The following ORC3 variants were observed in gnomAD, a reference collection of about 807,000 sequenced individuals.
The protein encoded by ORC3 is origin recognition complex subunit 3, also known as homolog of latheo, Drosophila.
ORC3 carries 78 observed loss-of-function variants against 100.7 expected under a neutral mutation model. The ratio of observed to expected loss-of-function variants is 0.77; its 90% CI spans 0.65 to 0.94. ORC3 has a LOEUF of 0.94. ORC3 is among the 40% of genes least tolerant of loss of function. The pLI, the probability that ORC3 is intolerant of heterozygous loss-of-function variation, is 0.00. For missense variants in ORC3, 789 were observed against 823.9 expected, an observed-to-expected ratio of 0.96 and a Z score of 0.52; for synonymous variants, 295 against 289.3, an observed-to-expected ratio of 1.02 and a Z score of -0.20.
At chr6:87,607,933 C>T in intron 6 of ORC3, 109 bp downstream of exon 6, 1 of 640,118 alleles carries the variant, frequency 1.6e-6, no homozygotes, top group Non-Finnish European at 2.5e-6. Flanking sequence ...GTTTCTGCAG[C>T]ACTAGGTGTT....
intron 4 of ORC3, 108 bp from the exon 5 acceptor site, chr6:87,605,809 A>T: frequency 1.6e-6 from 1 of 625,142 alleles, no homozygotes; most frequent in East Asian, 2.8e-5. Flanking sequence ...TCTGTTATTA[A>T]TCATTTTTTA....
chr6:87,633,632 C>G (rs1178607425), intron 11 of ORC3, among the ~76,000 whole-genome samples: 1 of 152,064 alleles, frequency 6.6e-6, no homozygotes, highest in Admixed American at 6.5e-5. Context: ...TTATTGATAT[C>G]TGAGTTATTT....
chr6:87,659,813 C>T (rs1646585745), intron 16 of ORC3, among the ~76,000 whole-genome samples: 1 of 151,438 alleles, frequency 6.6e-6, no homozygotes, highest in South Asian at 2.1e-4. Flanking sequence ...ACCCGGGAGG[C>T]AGAGGTTGCA....
chr6:87,665,228 C>A (rs1220780910), intron 18 of ORC3, among the ~76,000 whole-genome samples: 1 of 151,992 alleles, frequency 6.6e-6, no homozygotes, highest in East Asian at 1.9e-4. Context: ...TCTCTTCTTG[C>A]TTAAAAGAAA....
chr6:87,621,895 A>C, intron 10 of ORC3, 55 bp from the exon 11 acceptor site: 1 of 1,222,088 alleles, frequency 8.2e-7, no homozygotes, highest in Non-Finnish European at 1.2e-6. Flanking sequence ...ATGCTATTTA[A>C]ATATGTTGAA....
chr6:87,671,096 C>T (rs1035610928), downstream of ORC3, among the ~76,000 whole-genome samples: 2 of 152,054 alleles, frequency 1.3e-5, no homozygotes, highest in Non-Finnish European at 2.9e-5. Context: ...ATTTAGGGCT[C>T]CACAGACCTT....
chr6:87,673,007 G>C, the ORC3 span, among the ~76,000 whole-genome samples: 35 of 151,944 alleles, frequency 2.3e-4, no homozygotes, highest in Non-Finnish European at 4.7e-4. Context: ...GAATCCCTAG[G>C]TAGCTAAAAT....
rs1769408691 is a variant in ORC3, at chr6:87,653,166, T to A, written c.1433T>A (p.Val478Asp). The A allele has an allele frequency of 6.2e-7, 1 of 1,613,564 alleles. No individual in the cohort carries two copies. Among genetic ancestry groups the A allele is most frequent in the African/African-American group, 1.3e-5 (1 of 74,902 alleles). The change falls in exon 14 of 20, where the codon GTT becomes GAT. Residue 478 changes from valine to aspartate, a missense_variant. This residue lies in a region of ORC3 where 366 missense variants were observed against 394.2 expected (regional missense o/e 0.93). Transcript: ENST00000392844. The stretch of plus-strand genomic sequence containing the variant: ...ACCATACTTGAGAAATGTTTCAAGG[T>A]TTTTAAGTCTTATTGTGAAAACCAC... ...LMTILEKCFK[V>D]FKSYCENHLG...
chr6:87,612,292 A>G, intron 8 of ORC3, 44 bp downstream of exon 8: 2 of 1,380,024 alleles, frequency 1.4e-6, no homozygotes, highest in Non-Finnish European at 2.0e-6. Flanking sequence ...TGAAAAGAAA[A>G]CTGCCAATAA....
chr6:87,596,166 T>G (rs542737359), intron 2 of ORC3, among the ~76,000 whole-genome samples: 86 of 151,562 alleles, frequency 5.7e-4, no homozygotes, highest in Non-Finnish European at 1.1e-3. Context: ...TTTTGTTTTT[T>G]TTTTTTGAGA....
chr6:87,627,298 T>C (rs908224787), intron 11 of ORC3, among the ~76,000 whole-genome samples: 5 of 70,698 alleles, frequency 7.1e-5, no homozygotes, highest in Admixed American at 2.9e-4. Context: ...CGCGCCCAGC[T>C]TTTTTTTTTT....
In ORC3 at chr6:87,644,233, C is replaced by T. The variant is rs1245511291; in HGVS notation, c.1382+7747C>T. On this transcript the variant is annotated intron_variant, in intron 13 of 19. Coordinates refer to ENST00000392844, the MANE Select transcript of ORC3 (RefSeq NM_012381.4). The stretch of plus-strand genomic sequence containing the variant: ...TCAGCCTCCCAAGTAGCTGGGACTA[C>T]AGGCGCCCGCCACTACGCCCGGCTA... Among the ~76,000 whole-genome samples the T allele has an allele frequency of 9.1e-3, 1,348 of 148,502 alleles. 21 individuals carry two copies. The highest frequency in any genetic ancestry group is 0.031 in the African/African-American group (1,255 of 40,874).
intron 8 of ORC3, among the ~76,000 whole-genome samples, chr6:87,614,904 G>A (rs1157103882): frequency 6.6e-6 from 1 of 152,132 alleles, no homozygotes; most frequent in African/African-American, 2.4e-5. Context: ...CCTCCAAACT[G>A]TTCCAACCTC....
chr6:87,614,122 A>G (rs190374000), intron 8 of ORC3, among the ~76,000 whole-genome samples: 145 of 152,196 alleles, frequency 9.5e-4, no homozygotes, highest in Non-Finnish European at 1.8e-3. Flanking sequence ...AGGCTTTTCC[A>G]TACATCTTCT....
intron 9 of ORC3, among the ~76,000 whole-genome samples, chr6:87,617,207 A>ATG (rs145680871): frequency 2.1e-3 from 316 of 150,552 alleles, no homozygotes; most frequent in African/African-American, 4.5e-3. Flanking sequence ...TGGACCATGC[A>ATG]TGTGTGTGTG....
At chr6:87,612,577 G>T (rs1778858331) in intron 8 of ORC3, among the ~76,000 whole-genome samples, 1 of 151,994 alleles carries the variant, frequency 6.6e-6, no homozygotes, top group Admixed American at 6.6e-5. Context: ...AGACTTTGTA[G>T]TAACAATGTA....
At chr6:87,607,300 C>T (rs577278229) in intron 5 of ORC3, among the ~76,000 whole-genome samples, 7 of 151,892 alleles carry the variant, frequency 4.6e-5, no homozygotes, top group Non-Finnish European at 7.4e-5. Context: ...TATGGTGGCA[C>T]GCGCCTGTAA....
intron 13 of ORC3, among the ~76,000 whole-genome samples, chr6:87,644,573 C>T (rs1768594893): frequency 6.6e-6 from 1 of 151,686 alleles, no homozygotes; most frequent in African/African-American, 2.4e-5. Flanking sequence ...TGGTGGCACA[C>T]GCCTATAGTC....
At chr6:87,600,471 G>A (rs1777813258) in intron 2 of ORC3, among the ~76,000 whole-genome samples, 1 of 152,140 alleles carries the variant, frequency 6.6e-6, no homozygotes, top group Non-Finnish European at 1.5e-5. Flanking sequence ...CAGGATTACT[G>A]TAAAATTAAT....
Sources: allele counts gnomAD v4.1 joint callset (sites outside exome capture counted in the v4.1 genomes callset), GRCh38; gene constraint gnomAD v4.1.1; regional missense constraint gnomAD v4.1.1; transcripts MANE v1.5; gene names NCBI Gene and HGNC (gene_info 2026-07-23, HGNC 2026-07-21).